Variants in C1orf105 observed in about 807,000 individuals in gnomAD.
C1orf105 encodes the protein chromosome 1 open reading frame 105.
A neutral mutation model predicts 20.8 loss-of-function variants in C1orf105; 17 were observed. That is an observed-to-expected ratio of 0.82 (90% confidence interval 0.56 to 1.23). The LOEUF (loss-of-function observed/expected upper bound fraction) is 1.23. Ranked by LOEUF, C1orf105 falls within the 50% of genes most tolerant of loss-of-function variation. The probability of loss-of-function intolerance (pLI) is 0.00; values close to 1 mark genes in which losing one functional copy is unlikely to be tolerated. For synonymous variants in C1orf105, 72 were observed against 72.1 expected (o/e 1.00, Z 0.01); for missense variants, 219 against 213.5 (o/e 1.03, Z -0.16).
Position 172,465,344 on chromosome 1 carries a change from C to G in C1orf105, c.387C>G (p.Phe129Leu). Residue 129 changes from phenylalanine to leucine, a missense_variant, in exon 6 of 7, where the codon TTC becomes TTG. Phe to Leu is a conservative substitution (Grantham distance 22, BLOSUM62 0). Transcript: ENST00000367727. Reference protein sequence around the residue: ...QPKFQTTPEPFHDDIPTESIH... With the variant: ...QPKFQTTPEPLHDDIPTESIH... ...AATTCCAGACTACACCTGAGCCTTT[C>G]CATGATGACATCCCAACAGGTTTGC... 1 of 1,612,058 alleles carries G rather than the reference C, an allele frequency of 6.2e-7. No homozygotes were observed. The highest frequency in any genetic ancestry group is 8.5e-7 in the Non-Finnish European group (1 of 1,178,084).
In C1orf105 at chr1:172,444,407, A is replaced by C. The variant is rs906181611; in HGVS notation, c.22-666A>C. ...GGACTTCCCGTGCATCCATGCGTTC[A>C]TTCCACAGATACTGATTGAATGCCT... On this transcript the variant is annotated intron_variant, in intron 1 of 6. Coordinates refer to ENST00000367727, the MANE Select transcript of C1orf105 (RefSeq NM_139240.4). 1.7e-5 allele frequency: 10 copies of C among 575,712 alleles called. No homozygotes were observed. In the African/African-American group the frequency reaches 2.0e-4, roughly 12 times the overall value. 35.7% of individuals were successfully genotyped at this position (575,712 alleles called of 1,614,324 possible).
At chr1:172,431,672 G>A (rs372100466) in intron 1 of C1orf105, among the ~76,000 whole-genome samples, 2 of 152,334 alleles carry the variant, frequency 1.3e-5, no homozygotes, top group African/African-American at 4.8e-5. Flanking sequence ...CGGCGTGATC[G>A]ATGCAGAAGA....
At chr1:172,448,632 A>G in intron 3 of C1orf105, 101 bp downstream of exon 3, 1 of 694,326 alleles carries the variant, frequency 1.4e-6, no homozygotes, top group Non-Finnish European at 2.6e-6. Flanking sequence ...TGTGCTTGGT[A>G]CACCATCAAT....
At chr1:172,442,474 G>A in intron 1 of C1orf105, 3 of 1,614,124 alleles carry the variant, frequency 1.9e-6, no homozygotes, top group Non-Finnish European at 2.5e-6. Context: ...AAATACCACA[G>A]CCCAATATTG....
chr1:172,468,428 C>T (rs1199130017), intron 6 of C1orf105, 21 bp from the exon 7 acceptor site: 2 of 1,593,140 alleles, frequency 1.3e-6, no homozygotes, highest in Non-Finnish European at 1.7e-6. Context: ...ATCCTTCTTT[C>T]CTTCTTGTAC....
At chr1:172,425,727 A>G (rs2071706134) in intron 1 of C1orf105, among the ~76,000 whole-genome samples, 1 of 152,210 alleles carries the variant, frequency 6.6e-6, no homozygotes, top group Non-Finnish European at 1.5e-5. Flanking sequence ...TATTATCCCC[A>G]AAAGGTCCTT....
intron 1 of C1orf105, among the ~76,000 whole-genome samples, chr1:172,432,463 C>T (rs1405906777): frequency 6.6e-6 from 1 of 152,214 alleles, no homozygotes; most frequent in Non-Finnish European, 1.5e-5. Context: ...TGGTGATAAC[C>T]AGGCAAACAG....
chr1:172,461,763 C>T (rs1442347528), intron 4 of C1orf105, among the ~76,000 whole-genome samples: 1 of 152,158 alleles, frequency 6.6e-6, no homozygotes, highest in East Asian at 1.9e-4. Context: ...TATTAGGGAA[C>T]CCAGACATTA....
chr1:172,441,457 T>C (rs1014220356), intron 1 of C1orf105: 3 of 288,060 alleles, frequency 1.0e-5, no homozygotes, highest in African/African-American at 2.2e-5. Context: ...GACAACTTGA[T>C]GGATGTGTTA....
chr1:172,445,122 T>C lies in C1orf105; in HGVS notation c.71T>C (p.Leu24Pro), dbSNP rs1647830284. The part of the protein sequence containing the change: ...DKIPWLSEAS[L>P]VNKPLVLSLP... ...ATTCCTTGGCTTAGTGAGGCCAGCC[T>C]TGTAAACAAGCCATTAGTGCTCAGC... Residue 24 changes from leucine to proline, a missense_variant, in exon 2 of 7, where the codon CTT becomes CCT. Transcript: ENST00000367727. The C allele has an allele frequency of 2.5e-6, 4 of 1,613,680 alleles. No homozygotes were observed. Among genetic ancestry groups the C allele is most frequent in the Non-Finnish European group, 3.4e-6 (4 of 1,179,854 alleles).
chr1:172,446,848 C>T (rs1229186015), intron 2 of C1orf105, among the ~76,000 whole-genome samples: 2 of 152,178 alleles, frequency 1.3e-5, no homozygotes, highest in Non-Finnish European at 1.5e-5. Flanking sequence ...GTTTTTCCTC[C>T]AGCCAGCCAA....
chr1:172,420,709 G>T lies in C1orf105; in HGVS notation c.-177G>T. The stretch of plus-strand genomic sequence containing the variant: ...CAAGATGTAAATCACACAGATGTTG[G>T]TAGAGAAAAAGGCATACTGGTATTG... On this transcript the variant is annotated 5_prime_UTR_variant, in exon 1 of 7. Coordinates refer to ENST00000367727, the MANE Select transcript of C1orf105 (RefSeq NM_139240.4). The T allele has an allele frequency of 1.6e-6, 1 of 621,596 alleles. No homozygotes were observed. The highest frequency in any genetic ancestry group is 2.9e-6 in the Non-Finnish European group (1 of 343,154). 38.5% of individuals were successfully genotyped at this position (621,596 alleles called of 1,614,324 possible).
At chr1:172,434,880 A>T (rs1037172115) in intron 1 of C1orf105, among the ~76,000 whole-genome samples, 1 of 152,206 alleles carries the variant, frequency 6.6e-6, no homozygotes, top group Admixed American at 6.5e-5. Context: ...AAAGAGAAGA[A>T]TCAAATAGAC....
intron 1 of C1orf105, among the ~76,000 whole-genome samples, chr1:172,429,419 A>C (rs1259541788): frequency 6.6e-6 from 1 of 152,242 alleles, no homozygotes; most frequent in Admixed American, 6.5e-5. Context: ...TTATTTCCCA[A>C]ACCACAATTC....
chr1:172,439,098 T>A (rs1464643440), intron 1 of C1orf105, among the ~76,000 whole-genome samples: 3 of 152,214 alleles, frequency 2.0e-5, no homozygotes, highest in Non-Finnish European at 4.4e-5. Context: ...AGCTTTATTG[T>A]AGTGGTCTGG....
chr1:172,434,026 AG>A (rs1172175611), intron 1 of C1orf105, among the ~76,000 whole-genome samples: 1 of 152,260 alleles, frequency 6.6e-6, no homozygotes, highest in Non-Finnish European at 1.5e-5. Context: ...CATAATGGTA[AG>A]GGGATCAATT....
intron 1 of C1orf105, chr1:172,442,156 A>G: frequency 6.2e-7 from 1 of 1,614,258 alleles, no homozygotes; most frequent in Non-Finnish European, 8.5e-7. Flanking sequence ...GCCTAACAGC[A>G]TGAAGACTGA....
At chr1:172,465,766 C>G in intron 6 of C1orf105, 1 of 428,384 alleles carries the variant, frequency 2.3e-6, no homozygotes. Context: ...GAACCTTTCA[C>G]TCCACCAGCT....
At chr1:172,432,340 G>A (rs1318966603) in intron 1 of C1orf105, among the ~76,000 whole-genome samples, 1 of 152,152 alleles carries the variant, frequency 6.6e-6, no homozygotes, top group Non-Finnish European at 1.5e-5. Flanking sequence ...CTCCCAGTAG[G>A]GGCCGACTGA....
Sources: allele counts gnomAD v4.1 joint callset (sites outside exome capture counted in the v4.1 genomes callset), GRCh38; gene constraint gnomAD v4.1.1; transcripts MANE v1.5; gene names NCBI Gene and HGNC (gene_info 2026-07-23, HGNC 2026-07-21).